The following FGF14 variants were observed in gnomAD, a reference collection of about 807,000 sequenced individuals.
FGF14 encodes fibroblast growth factor homologous factor 4.
FGF14 carries 5 observed loss-of-function variants against 25.5 expected under a neutral mutation model. That is an observed-to-expected ratio of 0.20 (90% CI 0.10 to 0.41). FGF14 has a LOEUF of 0.41. Among genes scored for constraint, FGF14 ranks in the 10% least tolerant of loss-of-function variants. FGF14 has a pLI of 1.00. For missense variants in FGF14, 222 were observed against 320.1 expected, an observed-to-expected ratio of 0.69 and a Z score of 2.34; for synonymous variants, 138 against 118.3, an observed-to-expected ratio of 1.17 and a Z score of -1.08.
chr13:102,003,550 C>G (rs1265155257), intron 1 of FGF14, among the ~76,000 whole-genome samples: 2 of 151,998 alleles, frequency 1.3e-5, no homozygotes, highest in African/African-American at 4.8e-5. Context: ...ACAAGATAAG[C>G]TTAGTTTCTT....
rs368786811 is a variant in FGF14, at chr13:102,352,811, C to CAA, written c.208+48658_208+48659dup. On this transcript the variant is annotated intron_variant, in intron 1 of 4. Transcript: ENST00000376131. ...TGGGCGACAGAGCGAGACTCTGTCT[C>CAA]AAAAAAAAAAAAAAAAAAAGATGTT... 1.6e-3 allele frequency among the ~76,000 whole-genome samples: 102 copies of CAA among 62,022 alleles called. 1 individual carries two copies. The highest frequency in any genetic ancestry group is 6.0e-3 in the Admixed American group (35 of 5,866). 40.7% of individuals were successfully genotyped at this position (62,022 alleles called of 152,430 possible). A position where few individuals can be genotyped will look rare whatever the true frequency, so the allele number is the denominator to read the frequency against.
chr13:101,730,916 A>G (rs2035767619), intron 3 of FGF14, among the ~76,000 whole-genome samples: 1 of 152,212 alleles, frequency 6.6e-6, no homozygotes, highest in African/African-American at 2.4e-5. Flanking sequence ...CGTCCCTCAC[A>G]TGGTTCTCCT....
intron 1 of FGF14, among the ~76,000 whole-genome samples, chr13:102,309,277 C>T (rs1243317440): frequency 2.6e-5 from 4 of 152,092 alleles, no homozygotes; most frequent in African/African-American, 4.8e-5. Flanking sequence ...ACTCGCTGAG[C>T]GCACAGCATG....
At chr13:102,318,463 T>C (rs2056119525) in intron 1 of FGF14, among the ~76,000 whole-genome samples, 1 of 152,190 alleles carries the variant, frequency 6.6e-6, no homozygotes, top group African/African-American at 2.4e-5. Context: ...GATCAAGGTA[T>C]TGGCAGAGTG....
intron 1 of FGF14, among the ~76,000 whole-genome samples, chr13:102,304,588 C>A (rs1040935718): frequency 6.6e-6 from 1 of 152,134 alleles, no homozygotes. Flanking sequence ...CTTCTATGGG[C>A]CCCTCTCATA....
chr13:102,036,659 CAGAA>C (rs1472949646), intron 1 of FGF14, among the ~76,000 whole-genome samples: 2 of 151,450 alleles, frequency 1.3e-5, no homozygotes, highest in Non-Finnish European at 2.9e-5. Context: ...AAAGAGGAAA[CAGAA>C]GGAGGAGGAG....
At chr13:102,327,633 G>A (rs1184253034) in intron 1 of FGF14, among the ~76,000 whole-genome samples, 4 of 152,010 alleles carry the variant, frequency 2.6e-5, no homozygotes, top group East Asian at 1.9e-4. Context: ...CCAGAAATTC[G>A]AGACCAGCCT....
chr13:102,297,200 A>C (rs530910256), intron 1 of FGF14, among the ~76,000 whole-genome samples: 1 of 152,216 alleles, frequency 6.6e-6, no homozygotes, highest in African/African-American at 2.4e-5. Flanking sequence ...CATGAAGAAA[A>C]TATCAGACAA....
chr13:102,249,549 G>GGGGT (rs150219891), intron 1 of FGF14, among the ~76,000 whole-genome samples: 4 of 150,296 alleles, frequency 2.7e-5, no homozygotes, highest in Non-Finnish European at 4.4e-5. Flanking sequence ...TACTGAGAGG[G>GGGGT]GTGTGTGTGT....
chr13:102,029,933 G>C (rs1364135946), intron 1 of FGF14, among the ~76,000 whole-genome samples: 1 of 152,078 alleles, frequency 6.6e-6, no homozygotes, highest in East Asian at 1.9e-4. Context: ...AAGCAATAGA[G>C]AAATGATTGT....
intron 1 of FGF14, among the ~76,000 whole-genome samples, chr13:102,272,359 GTTTA>G (rs2053292423): frequency 1.3e-5 from 2 of 151,878 alleles, no homozygotes; most frequent in African/African-American, 2.4e-5. Flanking sequence ...CTTACTCTTT[GTTTA>G]TTTGACTTTT....
intron 1 of FGF14, among the ~76,000 whole-genome samples, chr13:102,049,426 G>A (rs954178783): frequency 6.6e-6 from 1 of 152,146 alleles, no homozygotes; most frequent in East Asian, 1.9e-4. Flanking sequence ...TTTTGAATGG[G>A]ATTACTGATT....
chr13:102,214,785 C>A (rs962333346), intron 1 of FGF14, among the ~76,000 whole-genome samples: 4 of 152,176 alleles, frequency 2.6e-5, no homozygotes, highest in African/African-American at 4.8e-5. Flanking sequence ...GGGTAGGGGT[C>A]AGAGATGCAG....
intron 2 of FGF14, among the ~76,000 whole-genome samples, chr13:101,870,132 G>A (rs2044971241): frequency 6.6e-6 from 1 of 152,094 alleles, no homozygotes; most frequent in African/African-American, 2.4e-5. Context: ...TAGGATTTTA[G>A]GGGATTATGT....
intron 1 of FGF14, among the ~76,000 whole-genome samples, chr13:102,251,199 T>A (rs769616887): frequency 9.9e-5 from 15 of 152,200 alleles, no homozygotes; most frequent in Non-Finnish European, 2.1e-4. Context: ...GTATGGTATC[T>A]TTGTCTCTGG....
At chr13:102,343,786 T>C (rs1055548619) in intron 1 of FGF14, among the ~76,000 whole-genome samples, 7 of 152,174 alleles carry the variant, frequency 4.6e-5, no homozygotes, top group African/African-American at 1.7e-4. Flanking sequence ...AATATCCTGT[T>C]AGATTCCCTT....
intron 1 of FGF14, among the ~76,000 whole-genome samples, chr13:102,104,395 C>T (rs1045983841): frequency 3.3e-5 from 5 of 152,190 alleles, no homozygotes; most frequent in African/African-American, 1.2e-4. Flanking sequence ...CACAGTATAA[C>T]TTGCCATAGG....
chr13:102,112,085 T>C (rs998661200), intron 1 of FGF14, among the ~76,000 whole-genome samples: 1 of 138,704 alleles, frequency 7.2e-6, no homozygotes, highest in Admixed American at 6.9e-5. Flanking sequence ...TTATTAAGCA[T>C]TTGTTTATTA....
intron 1 of FGF14, among the ~76,000 whole-genome samples, chr13:102,326,420 T>C (rs2138796048): frequency 6.6e-6 from 1 of 152,186 alleles, no homozygotes; most frequent in Non-Finnish European, 1.5e-5. Flanking sequence ...CTTATGATTT[T>C]CTTGGCCCAG....
Sources: allele counts gnomAD v4.1 joint callset (sites outside exome capture counted in the v4.1 genomes callset), GRCh38; gene constraint gnomAD v4.1.1; transcripts MANE v1.5; gene names NCBI Gene and HGNC (gene_info 2026-07-23, HGNC 2026-07-21).